The following LRP1B variants were observed in gnomAD, a reference collection of about 807,000 sequenced individuals.
The protein encoded by LRP1B is LDL receptor related protein 1B.
LRP1B carries 217 observed loss-of-function variants against 556.6 expected under a neutral mutation model. The ratio of observed to expected loss-of-function variants is 0.39; its 90% CI spans 0.35 to 0.44. LRP1B has a LOEUF of 0.44. Among genes scored for constraint, LRP1B ranks in the 20% least tolerant of loss-of-function variants. The pLI, the probability that LRP1B is intolerant of heterozygous loss-of-function variation, is 1.00. For missense variants in LRP1B, 5,053 were observed against 5,620.8 expected, an observed-to-expected ratio of 0.90 and a Z score of 3.23; for synonymous variants, 2,047 against 1,865.8, an observed-to-expected ratio of 1.10 and a Z score of -2.50.
chr2:141,741,732 T>A (rs1226400687), intron 2 of LRP1B, among the ~76,000 whole-genome samples: 2 of 152,202 alleles, frequency 1.3e-5, no homozygotes, highest in Admixed American at 6.5e-5. Flanking sequence ...ATTTCTCCCA[T>A]TCTGTAGTTT....
chr2:140,467,033 T>A (rs1687574719), intron 60 of LRP1B, among the ~76,000 whole-genome samples: 1 of 152,168 alleles, frequency 6.6e-6, no homozygotes, highest in Non-Finnish European at 1.5e-5. Flanking sequence ...GAAAATGAAA[T>A]CTCTAAGCTA....
intron 41 of LRP1B, among the ~76,000 whole-genome samples, chr2:140,606,620 G>C (rs1682877074): frequency 6.6e-6 from 1 of 151,910 alleles, no homozygotes; most frequent in Non-Finnish European, 1.5e-5. Flanking sequence ...TCAGTATAAA[G>C]TTTATAGTAA....
intron 15 of LRP1B, among the ~76,000 whole-genome samples, chr2:141,003,102 A>T (rs1697473031): frequency 6.6e-6 from 1 of 152,036 alleles, no homozygotes; most frequent in African/African-American, 2.4e-5. Flanking sequence ...AATAGACATA[A>T]ACTACATGGT....
chr2:140,776,100 T>G lies in LRP1B; in HGVS notation c.5498A>C (p.Gln1833Pro). ...ACAAATTCATTAGTGTGATTTACCT[T>G]GCTGTGCTTCTTTATCATAGACTTT... The part of the protein sequence containing the change: ...HMKVYDKEAQ[Q>P]GSNSCQLNNG... Residue 1833 changes from glutamine to proline, a missense_variant and splice_region_variant, in exon 33 of 91, where the codon CAA (glutamine) becomes CCA (proline). Physicochemically the swap from Gln to Pro is moderately conservative, Grantham distance 76. This residue lies in a region of LRP1B where 3,619 missense variants were observed against 3,931.9 expected (regional missense o/e 0.92). Coordinates refer to ENST00000389484, the MANE Select transcript of LRP1B (RefSeq NM_018557.3). The G allele has an allele frequency of 1.3e-6, 2 of 1,561,836 alleles. No individual in the cohort carries two copies. The highest frequency in any genetic ancestry group is 1.7e-6 in the Non-Finnish European group (2 of 1,159,594).
intron 1 of LRP1B, among the ~76,000 whole-genome samples, chr2:141,954,317 A>G (rs1417529861): frequency 1.3e-5 from 2 of 152,070 alleles, no homozygotes; most frequent in African/African-American, 4.8e-5. Flanking sequence ...TACTGCAAAG[A>G]GCAAATAAAG....
intron 11 of LRP1B, among the ~76,000 whole-genome samples, chr2:141,026,508 T>C (rs575750673): frequency 1.3e-5 from 2 of 152,210 alleles, no homozygotes; most frequent in East Asian, 3.9e-4. Context: ...TATTTACAAT[T>C]ACCATGGCAT....
intron 72 of LRP1B, 113 bp downstream of exon 72, chr2:140,364,548 A>G (rs1682665012): frequency 8.1e-7 from 1 of 1,241,024 alleles, no homozygotes; most frequent in Non-Finnish European, 1.1e-6. Context: ...TACTTTATCT[A>G]CCTAACCCCA....
intron 35 of LRP1B, among the ~76,000 whole-genome samples, chr2:140,729,166 GAAAT>G (rs1383612103): frequency 6.6e-6 from 1 of 151,926 alleles, no homozygotes; most frequent in Non-Finnish European, 1.5e-5. Context: ...CTCATCCAAA[GAAAT>G]AAATTCAGAA....
intron 1 of LRP1B, among the ~76,000 whole-genome samples, chr2:142,034,042 C>T (rs1703793762): frequency 6.6e-6 from 1 of 151,610 alleles, no homozygotes; most frequent in Admixed American, 6.6e-5. Context: ...GAGTCATCTC[C>T]ACCTCATTTA....
intron 3 of LRP1B, among the ~76,000 whole-genome samples, chr2:141,415,722 T>C (rs899728557): frequency 6.9e-6 from 1 of 144,948 alleles, no homozygotes; most frequent in Non-Finnish European, 1.5e-5. Context: ...TTAATATGTA[T>C]GCATTTCAGT....
chr2:142,067,585 C>G (rs569561973), intron 1 of LRP1B, among the ~76,000 whole-genome samples: 2 of 151,692 alleles, frequency 1.3e-5, no homozygotes, highest in African/African-American at 4.8e-5. Flanking sequence ...CACAAAAGCA[C>G]TAACACACTG....
chr2:141,599,136 A>T (rs1471686717), intron 2 of LRP1B, among the ~76,000 whole-genome samples: 2 of 130,578 alleles, frequency 1.5e-5, no homozygotes, highest in Non-Finnish European at 3.1e-5. Flanking sequence ...TCAACTCCAC[A>T]AAGGGCTGCA....
chr2:140,841,443 A>T (rs1391718848), intron 29 of LRP1B, among the ~76,000 whole-genome samples: 3 of 152,188 alleles, frequency 2.0e-5, no homozygotes, highest in Admixed American at 2.0e-4. Context: ...TTGATAGCAC[A>T]TCTTTCTAGT....
intron 74 of LRP1B, among the ~76,000 whole-genome samples, chr2:140,357,660 T>G (rs2105133540): frequency 6.6e-6 from 1 of 151,770 alleles, no homozygotes; most frequent in Non-Finnish European, 1.5e-5. Flanking sequence ...TCACCGTTTA[T>G]AAAACTTAAC....
chr2:140,406,641 T>C (rs1684751353), intron 66 of LRP1B, among the ~76,000 whole-genome samples: 1 of 151,458 alleles, frequency 6.6e-6, no homozygotes, highest in African/African-American at 2.4e-5. Context: ...ATAAAGGAGG[T>C]GAAAAATCTC....
intron 3 of LRP1B, among the ~76,000 whole-genome samples, chr2:141,428,418 A>T (rs921028317): frequency 6.6e-6 from 1 of 152,100 alleles, no homozygotes; most frequent in East Asian, 1.9e-4. Flanking sequence ...AGTATATTTA[A>T]AAAAAAATCT....
In LRP1B at chr2:141,742,978, T is replaced by G. The variant is rs1370881717; in HGVS notation, c.205+67301A>C. Among the ~76,000 whole-genome samples, 3 of 152,160 alleles carry G rather than the reference T, an allele frequency of 2.0e-5. No individual in the cohort carries two copies. The East Asian group carries it at 5.8e-4, about 29-fold the overall frequency. Reference sequence around the variant, plus strand: ...TTTTGTATCCTGCAACTTTACTGAATTTAACAGTTCTAACAGTTTTTCGGT... The same window carrying G: ...TTTTGTATCCTGCAACTTTACTGAAGTTAACAGTTCTAACAGTTTTTCGGT... On this transcript the variant is annotated intron_variant, in intron 2 of 90. Transcript: ENST00000389484.
chr2:141,378,720 T>C (rs1689527046), intron 3 of LRP1B, among the ~76,000 whole-genome samples: 1 of 152,050 alleles, frequency 6.6e-6, no homozygotes. Context: ...GAATAGCAGA[T>C]TTGAATATCA....
At chr2:141,057,516 G>T (rs867604790) in intron 9 of LRP1B, among the ~76,000 whole-genome samples, 1 of 151,886 alleles carries the variant, frequency 6.6e-6, no homozygotes. Context: ...TGTTGGGGGG[G>T]ACCCAGTAGG....
Sources: allele counts gnomAD v4.1 joint callset (sites outside exome capture counted in the v4.1 genomes callset), GRCh38; gene constraint gnomAD v4.1.1; regional missense constraint gnomAD v4.1.1; transcripts MANE v1.5; gene names NCBI Gene and HGNC (gene_info 2026-07-23, HGNC 2026-07-21).